The following GABRB1 variants were observed in gnomAD, a reference collection of about 807,000 sequenced individuals.
The protein encoded by GABRB1 is gamma-aminobutyric acid type A receptor subunit beta1.
GABRB1 carries 17 observed loss-of-function variants against 51.6 expected under a neutral mutation model. The observed-to-expected ratio is 0.33, with a 90% CI of 0.23 to 0.49. The LOEUF (loss-of-function observed/expected upper bound fraction) is 0.49. Ranked by LOEUF, GABRB1 falls within the 20% of genes least tolerant of loss-of-function variation. The pLI is 0.99. For missense variants in GABRB1, 410 were observed against 600.6 expected (o/e 0.68, Z 3.32); for synonymous variants, 247 against 218.9 (o/e 1.13, Z -1.14).
intron 3 of GABRB1, among the ~76,000 whole-genome samples, chr4:47,071,284 T>G (rs1727323968): frequency 6.6e-6 from 1 of 152,238 alleles, no homozygotes; most frequent in Non-Finnish European, 1.5e-5. Flanking sequence ...CTTCACCATC[T>G]ATGCACAACA....
chr4:47,240,949 A>G (rs1721496616), intron 4 of GABRB1, among the ~76,000 whole-genome samples: 1 of 152,140 alleles, frequency 6.6e-6, no homozygotes, highest in South Asian at 2.1e-4. Flanking sequence ...TGAAAATTGT[A>G]CATACTCATT....
intron 3 of GABRB1, among the ~76,000 whole-genome samples, chr4:47,100,582 T>C (rs1429273076): frequency 2.6e-5 from 4 of 152,038 alleles, no homozygotes; most frequent in Non-Finnish European, 4.4e-5. Flanking sequence ...AATCAGTCCG[T>C]TCTCTCCTAC....
At chr4:47,347,646 G>A (rs1178388818) in intron 5 of GABRB1, among the ~76,000 whole-genome samples, 2 of 152,078 alleles carry the variant, frequency 1.3e-5, no homozygotes, top group Non-Finnish European at 2.9e-5. Flanking sequence ...AAAAAAAAAT[G>A]ATGTCTGACT....
chr4:47,104,916 T>C (rs1577912120), intron 3 of GABRB1, among the ~76,000 whole-genome samples: 1 of 152,094 alleles, frequency 6.6e-6, no homozygotes, highest in East Asian at 1.9e-4. Flanking sequence ...ATCTATATCC[T>C]ATCTATATCT....
intron 3 of GABRB1, among the ~76,000 whole-genome samples, chr4:47,114,438 T>C (rs1715379512): frequency 6.6e-6 from 1 of 152,194 alleles, no homozygotes. Context: ...TAAACCAGTG[T>C]GTTCATCCTC....
At chr4:47,051,692 G>A (rs1216980719) in intron 3 of GABRB1, among the ~76,000 whole-genome samples, 2 of 152,108 alleles carry the variant, frequency 1.3e-5, no homozygotes, top group African/African-American at 4.8e-5. Flanking sequence ...GAAACAATAA[G>A]AGCCAAAGGC....
chr4:47,358,786 A>G (rs1479049623), intron 5 of GABRB1, among the ~76,000 whole-genome samples: 6 of 152,204 alleles, frequency 3.9e-5, no homozygotes, highest in African/African-American at 1.4e-4. Flanking sequence ...AATTTCAATG[A>G]ACCCGAATGT....
rs116318914 is a variant in GABRB1, at chr4:47,054,332, C to T, written c.240+21848C>T. The stretch of plus-strand genomic sequence containing the variant: ...GAGCCCTCAACCACAGTCTGAAGGT[C>T]GGCTTCTGTTTCTTGCTATACTGGT... On this transcript the variant is annotated intron_variant, in intron 3 of 8. Coordinates refer to ENST00000295454, the MANE Select transcript of GABRB1 (RefSeq NM_000812.4). Among the ~76,000 whole-genome samples, 135 of 152,236 alleles carry T rather than the reference C, an allele frequency of 8.9e-4. 1 individual carries two copies. Among genetic ancestry groups the T allele is most frequent in the South Asian group, 3.7e-3 (18 of 4,824 alleles).
chr4:47,029,008 C>T (rs1725195333), upstream of GABRB1, among the ~76,000 whole-genome samples: 1 of 151,460 alleles, frequency 6.6e-6, no homozygotes. Context: ...CAGTGTTTTA[C>T]TTCTGGGATT....
intron 4 of GABRB1, among the ~76,000 whole-genome samples, chr4:47,183,024 A>G (rs1209000380): frequency 1.3e-5 from 2 of 151,860 alleles, no homozygotes; most frequent in Admixed American, 1.3e-4. Flanking sequence ...TATTCTTGCA[A>G]GTAGACCAAT....
intron 5 of GABRB1, among the ~76,000 whole-genome samples, chr4:47,395,674 CT>C (rs1728156188): frequency 6.6e-6 from 1 of 152,140 alleles, no homozygotes; most frequent in Non-Finnish European, 1.5e-5. Context: ...AATTTTTTGA[CT>C]GTTAATTTAC....
chr4:47,215,559 G>A (rs1305281690), intron 4 of GABRB1, among the ~76,000 whole-genome samples: 1 of 151,890 alleles, frequency 6.6e-6, no homozygotes, highest in Non-Finnish European at 1.5e-5. Flanking sequence ...TATACCCTCA[G>A]TCAGTAAAAA....
intron 4 of GABRB1, among the ~76,000 whole-genome samples, chr4:47,251,468 T>C (rs1721985012): frequency 6.6e-6 from 1 of 152,046 alleles, no homozygotes; most frequent in Non-Finnish European, 1.5e-5. Flanking sequence ...AGCTGGGGTA[T>C]TATGGAGAGG....
At chr4:47,283,684 G>A (rs923926870) in intron 4 of GABRB1, among the ~76,000 whole-genome samples, 1 of 151,798 alleles carries the variant, frequency 6.6e-6, no homozygotes, top group African/African-American at 2.4e-5. Flanking sequence ...CACCGCACCC[G>A]GCCTCTGGGG....
chr4:47,154,078 A>G (rs540442185), intron 3 of GABRB1, among the ~76,000 whole-genome samples: 1 of 152,218 alleles, frequency 6.6e-6, no homozygotes, highest in African/African-American at 2.4e-5. Flanking sequence ...TGAAGGATAC[A>G]GTGATGAATT....
chr4:47,279,898 C>T (rs1291548578), intron 4 of GABRB1, among the ~76,000 whole-genome samples: 2 of 148,164 alleles, frequency 1.3e-5, no homozygotes, highest in African/African-American at 2.5e-5. Context: ...AAATGAGTTT[C>T]TGTAGGCAGC....
At chr4:47,288,144 A>T (rs559857547) in intron 4 of GABRB1, among the ~76,000 whole-genome samples, 3 of 152,152 alleles carry the variant, frequency 2.0e-5, no homozygotes, top group Admixed American at 6.5e-5. Flanking sequence ...ATCAGCATAT[A>T]CTCATCTAGT....
chr4:47,001,182 G>A (rs376258927), intron 1 of GABRB1, among the ~76,000 whole-genome samples: 38 of 151,856 alleles, frequency 2.5e-4, no homozygotes, highest in South Asian at 8.4e-4. Context: ...TCGCTCTGTC[G>A]CCCAGGCTGG....
At chr4:47,039,591 G>A (rs1274824508) in intron 3 of GABRB1, among the ~76,000 whole-genome samples, 1 of 152,102 alleles carries the variant, frequency 6.6e-6, no homozygotes, top group Non-Finnish European at 1.5e-5. Context: ...AGACATGTAT[G>A]TATAGGATCC....
Sources: allele counts gnomAD v4.1 joint callset (sites outside exome capture counted in the v4.1 genomes callset), GRCh38; gene constraint gnomAD v4.1.1; transcripts MANE v1.5; gene names NCBI Gene and HGNC (gene_info 2026-07-23, HGNC 2026-07-21).